CSGALNACT1: variants seen among roughly 807,000 people sequenced by gnomAD.
CSGALNACT1 encodes the protein chondroitin sulfate N-acetylgalactosaminyltransferase 1.
Under a neutral mutation model 51.0 loss-of-function variants are expected in CSGALNACT1, and 52 were observed. That is an observed-to-expected ratio of 1.02 (90% confidence interval 0.82 to 1.29). The LOEUF (loss-of-function observed/expected upper bound fraction) is 1.29. Among genes scored for constraint, CSGALNACT1 ranks in the 50% most tolerant of loss-of-function variants. The probability of loss-of-function intolerance (pLI) is 0.00; values close to 1 mark genes in which losing one functional copy is unlikely to be tolerated. For synonymous variants in CSGALNACT1, 341 were observed against 254.4 expected (o/e 1.34, Z -3.24); for missense variants, 935 against 679.2 (o/e 1.38, Z -4.19).
chr8:19,644,709 CAA>C (rs756025465), intron 1 of CSGALNACT1, among the ~76,000 whole-genome samples: 438 of 22,146 alleles, frequency 0.02, no homozygotes, highest in African/African-American at 0.051. Flanking sequence ...GACTCCGTCT[CAA>C]AAAAAAAAAA....
intron 3 of CSGALNACT1, among the ~76,000 whole-genome samples, chr8:19,561,380 G>A (rs1200193024): frequency 1.3e-5 from 2 of 152,178 alleles, no homozygotes; most frequent in African/African-American, 4.8e-5. Flanking sequence ...GGTTGGATAA[G>A]TGCTTCATGA....
chr8:19,465,622 G>T (rs914216695), intron 4 of CSGALNACT1, among the ~76,000 whole-genome samples: 16 of 152,108 alleles, frequency 1.1e-4, no homozygotes, highest in Admixed American at 1.0e-3. Flanking sequence ...TTCTGCTATG[G>T]GAAGATTCCC....
chr8:19,672,326 C>T (rs919921240), intron 1 of CSGALNACT1, among the ~76,000 whole-genome samples: 1 of 152,114 alleles, frequency 6.6e-6, no homozygotes, highest in African/African-American at 2.4e-5. Flanking sequence ...CATGCAATAC[C>T]CATTAGATTA....
intron 5 of CSGALNACT1, among the ~76,000 whole-genome samples, chr8:19,455,327 A>C (rs1006511614): frequency 2.0e-5 from 3 of 152,242 alleles, no homozygotes; most frequent in African/African-American, 7.2e-5. Context: ...AAGGAAATAC[A>C]AATCGCTTCC....
intron 1 of CSGALNACT1, among the ~76,000 whole-genome samples, chr8:19,728,778 A>G (rs1267909245): frequency 6.6e-6 from 1 of 152,162 alleles, no homozygotes; most frequent in Non-Finnish European, 1.5e-5. Flanking sequence ...ATTCTCGAAC[A>G]TTTTTAGGTG....
At chr8:19,647,307 T>A (rs955050619) in intron 1 of CSGALNACT1, among the ~76,000 whole-genome samples, 2 of 152,118 alleles carry the variant, frequency 1.3e-5, no homozygotes, top group Admixed American at 1.3e-4. Flanking sequence ...TTCCCAACAC[T>A]GTGAGAGGTC....
At chr8:19,617,267 A>G (rs2053159422) in intron 1 of CSGALNACT1, among the ~76,000 whole-genome samples, 1 of 152,160 alleles carries the variant, frequency 6.6e-6, no homozygotes, top group Non-Finnish European at 1.5e-5. Flanking sequence ...GTAAATACAA[A>G]TGAAGTTTCG....
chr8:19,458,544 A>G, exon 5 of CSGALNACT1: 1 of 1,614,202 alleles, frequency 6.2e-7, no homozygotes, highest in Non-Finnish European at 8.5e-7. Context: ...ATGGGGCCGA[A>G]TGGTCGAAAT....
At chr8:19,567,386 G>A (rs2154104819) in intron 3 of CSGALNACT1, among the ~76,000 whole-genome samples, 1 of 152,292 alleles carries the variant, frequency 6.6e-6, no homozygotes, top group African/African-American at 2.4e-5. Context: ...TAATGAGAGT[G>A]AGTCAGGACT....
intron 4 of CSGALNACT1, among the ~76,000 whole-genome samples, chr8:19,479,607 A>C: frequency 6.6e-6 from 1 of 152,304 alleles, no homozygotes; most frequent in South Asian, 2.1e-4. Context: ...CATGAAAGGT[A>C]TAAGAAGTGC....
rs146881731 is a variant in CSGALNACT1, at chr8:19,561,115, T to C, written c.-297+30045A>G. On this transcript the variant is annotated intron_variant, in intron 3 of 9. Transcript: ENST00000454498. ...TAATTATCAAAAGAGTGGTGAGATT[T>C]TTTTAAAGCAAGGCAATTATCATAA... Among the ~76,000 whole-genome samples the C allele has an allele frequency of 6.6e-5, 10 of 152,310 alleles. No homozygotes were observed. In the East Asian group the frequency reaches 1.9e-3, roughly 29 times the overall value.
intron 2 of CSGALNACT1, among the ~76,000 whole-genome samples, chr8:19,595,745 T>A (rs2154137928): frequency 6.6e-6 from 1 of 152,164 alleles, no homozygotes; most frequent in East Asian, 1.9e-4. Context: ...TTTCCAGAGG[T>A]TATAATTCTT....
intron 4 of CSGALNACT1, among the ~76,000 whole-genome samples, chr8:19,485,759 CTTT>C (rs386412239): frequency 3.4e-4 from 13 of 38,542 alleles, no homozygotes; most frequent in South Asian, 1.4e-3. Context: ...CCTCAGCTTG[CTTT>C]TTTTTTTTTT....
intron 3 of CSGALNACT1, among the ~76,000 whole-genome samples, chr8:19,559,436 C>A (rs181718154): frequency 6.6e-6 from 1 of 152,082 alleles, no homozygotes; most frequent in African/African-American, 2.4e-5. Flanking sequence ...GCCTACCATC[C>A]GCACTTCTAT....
upstream of CSGALNACT1, among the ~76,000 whole-genome samples, chr8:19,687,095 G>A (rs544539253): frequency 4.4e-4 from 67 of 152,158 alleles, 1 homozygote; most frequent in African/African-American, 1.5e-3. Context: ...TGGTCTTGGG[G>A]CTTGTTTGCA....
rs1563365810 is a variant in CSGALNACT1, at chr8:19,433,243, T to C, written c.953+6587A>G. Among the ~76,000 whole-genome samples, 3 of 152,194 alleles carry C rather than the reference T, an allele frequency of 2.0e-5. No individual in the cohort carries two copies. In the South Asian group the frequency reaches 6.2e-4, roughly 31 times the overall value. ...TCGCTGAGGGATTCTGTTTGCATATTGGGATACACCTTCAGCACTCAGCCA... is the reference window on the plus strand; with the variant it reads ...TCGCTGAGGGATTCTGTTTGCATATCGGGATACACCTTCAGCACTCAGCCA... On this transcript the variant is annotated intron_variant, in intron 6 of 9. Coordinates refer to ENST00000454498, the Ensembl canonical transcript of CSGALNACT1.
At chr8:19,532,646 C>T (rs1451203370) in intron 3 of CSGALNACT1, among the ~76,000 whole-genome samples, 1 of 152,194 alleles carries the variant, frequency 6.6e-6, no homozygotes, top group Non-Finnish European at 1.5e-5. Context: ...CTCTCCCTGC[C>T]TTCTAGCCTT....
intron 1 of CSGALNACT1, among the ~76,000 whole-genome samples, chr8:19,648,897 T>C (rs2057522534): frequency 1.3e-5 from 2 of 152,172 alleles, no homozygotes; most frequent in Non-Finnish European, 1.5e-5. Context: ...CAGTAGAGAC[T>C]TCAGAACAAA....
intron 1 of CSGALNACT1, among the ~76,000 whole-genome samples, chr8:19,619,785 A>G (rs2053581440): frequency 6.6e-6 from 1 of 152,218 alleles, no homozygotes; most frequent in Admixed American, 6.5e-5. Context: ...CATTGATAAC[A>G]AAAAGGGAGG....
Sources: gnomAD v4.1 joint callset for allele counts (sites outside exome capture counted in the v4.1 genomes callset) on GRCh38, gnomAD v4.1.1 for gene constraint, MANE v1.5 for transcripts, NCBI Gene and HGNC (gene_info 2026-07-23, HGNC 2026-07-21) for gene names.